Variants in PAM observed in about 807,000 individuals in gnomAD.
PAM encodes the protein peptidyl-glycine alpha-amidating monooxygenase.
A neutral mutation model predicts 122.1 loss-of-function variants in PAM; 72 were observed. The ratio of observed to expected loss-of-function variants is 0.59; its 90% CI spans 0.49 to 0.72. The LOEUF (loss-of-function observed/expected upper bound fraction) is 0.72. PAM is among the 30% of genes least tolerant of loss of function. The pLI, the probability that PAM is intolerant of heterozygous loss-of-function variation, is 0.00. For missense variants in PAM, 1,106 were observed against 1,183.7 expected (o/e 0.93, Z 0.96); for synonymous variants, 389 against 404.4 (o/e 0.96, Z 0.46).
Position 102,866,206 on chromosome 5 carries a change from G to A in PAM, c.11G>A (p.Arg4His), listed in dbSNP as rs1785505203. 1 of 1,611,986 alleles carries A rather than the reference G, an allele frequency of 6.2e-7. No homozygotes were observed. Among genetic ancestry groups the A allele is most frequent in the Non-Finnish European group, 8.5e-7 (1 of 1,178,756 alleles). Residue 4 changes from arginine (R) to histidine (H), a missense_variant, in exon 2 of 26, where the codon CGC becomes CAC. By Grantham distance (29) the Arg-to-His change is conservative (BLOSUM62 0). This residue lies in a region of PAM where 670 missense variants were observed against 690.3 expected (regional missense o/e 0.97). Coordinates refer to ENST00000438793, the MANE Select transcript of PAM (RefSeq NM_001177306.2). ...CGTATCGGCGTGGACATGGCTGGCC[G>A]CGTCCCTAGCCTGCTAGTTCTCCTT... is the stretch of plus-strand genomic sequence containing the variant. MAGRVPSLLVLLVF... is the reference protein window; with the variant it reads MAGHVPSLLVLLVF...
At chr5:102,999,589 C>T (rs1056235446) in intron 16 of PAM, among the ~76,000 whole-genome samples, 1 of 152,210 alleles carries the variant, frequency 6.6e-6, no homozygotes, top group Non-Finnish European at 1.5e-5. Context: ...AGGGTTCCTC[C>T]CCTGCAGAAA....
chr5:102,987,274 T>G (rs983160206), intron 15 of PAM, among the ~76,000 whole-genome samples: 11 of 152,132 alleles, frequency 7.2e-5, no homozygotes, highest in African/African-American at 2.7e-4. Flanking sequence ...GGTCATTATA[T>G]TAAGTGAAAT....
At chr5:103,012,872 AT>A (rs769114015) in intron 21 of PAM, among the ~76,000 whole-genome samples, 5 of 151,220 alleles carry the variant, frequency 3.3e-5, no homozygotes. Context: ...AAAAAAAAAA[AT>A]GAGTTCACTG....
intron 1 of PAM, among the ~76,000 whole-genome samples, chr5:102,800,794 A>G (rs952156960): frequency 6.6e-6 from 1 of 152,052 alleles, no homozygotes; most frequent in African/African-American, 2.4e-5. Flanking sequence ...ATACTCTATC[A>G]CCCTGGGCTT....
At chr5:102,879,507 G>A (rs2151104778) in intron 3 of PAM, among the ~76,000 whole-genome samples, 1 of 152,254 alleles carries the variant, frequency 6.6e-6, no homozygotes, top group South Asian at 2.1e-4. Flanking sequence ...CCCCCTTGTT[G>A]TTCCAGTGAC....
At chr5:102,837,516 A>G (rs985129015) in intron 1 of PAM, among the ~76,000 whole-genome samples, 2 of 152,214 alleles carry the variant, frequency 1.3e-5, no homozygotes, top group Non-Finnish European at 2.9e-5. Context: ...ACTTCAACCC[A>G]CAAATATTTC....
chr5:102,922,855 T>C (rs1179598920), intron 5 of PAM, among the ~76,000 whole-genome samples: 1 of 152,230 alleles, frequency 6.6e-6, no homozygotes, highest in African/African-American at 2.4e-5. Context: ...CAATATCATT[T>C]CTTTAACTAT....
At chr5:102,844,487 C>T (rs780411814) in intron 1 of PAM, among the ~76,000 whole-genome samples, 6 of 151,890 alleles carry the variant, frequency 4.0e-5, no homozygotes, top group African/African-American at 7.3e-5. Context: ...GGTAACATAG[C>T]GAGACCCCCA....
At chr5:102,997,375 G>A (rs1425995162) in intron 16 of PAM, among the ~76,000 whole-genome samples, 1 of 152,036 alleles carries the variant, frequency 6.6e-6, no homozygotes, top group Non-Finnish European at 1.5e-5. Flanking sequence ...AAATTATCTA[G>A]GCATGGTGGT....
rs1784610677 is a variant in PAM, at chr5:103,025,214, A to G, written c.2569A>G (p.Ile857Val). ...LQKMQEKQKL[I>V]KEPGSGVPVV... is the part of the protein sequence containing the mutation. ...GAAGATGCAAGAGAAACAGAAACTG[A>G]TCAAAGAGCCAGGCTCGGGAGTGCC... Residue 857 changes from isoleucine to valine, a missense_variant, in exon 24 of 26, where the codon ATC (isoleucine) becomes GTC (valine). Coordinates refer to ENST00000438793, the MANE Select transcript of PAM (RefSeq NM_001177306.2). 2 of 1,613,804 alleles carry G rather than the reference A, an allele frequency of 1.2e-6. No individual in the cohort carries two copies. The highest frequency in any genetic ancestry group is 1.7e-4 in the Middle Eastern group (1 of 6,060).
chr5:102,867,378 G>A lies in PAM; in HGVS notation c.195G>A (p.Gly65=). 1 of 1,608,684 alleles carries A rather than the reference G, an allele frequency of 6.2e-7. No individual in the cohort carries two copies. The highest frequency in any genetic ancestry group is 8.5e-7 in the Non-Finnish European group (1 of 1,175,578). The change falls in exon 3 of 26, where the codon GGG becomes GGA. Residue 65 remains glycine, a synonymous_variant. Coordinates refer to ENST00000438793, the MANE Select transcript of PAM (RefSeq NM_001177306.2). ...TTGCATTGGATATTCGCATGCCTGG[G>A]GTTACACCTAAACAGGTGAGAGGAA... is the stretch of plus-strand genomic sequence containing the variant. ...SDFALDIRMP[G]VTPKQSDTYF... is the part of the protein sequence containing the mutation.
chr5:102,866,948 G>T (rs1338625554), intron 2 of PAM, among the ~76,000 whole-genome samples: 1 of 152,028 alleles, frequency 6.6e-6, no homozygotes, highest in African/African-American at 2.4e-5. Flanking sequence ...ACTTGAAACA[G>T]ATATATGTTT....
chr5:102,804,856 C>G (rs1765780081), intron 1 of PAM, among the ~76,000 whole-genome samples: 1 of 152,112 alleles, frequency 6.6e-6, no homozygotes, highest in South Asian at 2.1e-4. Flanking sequence ...GGACTTTAAC[C>G]CTCATTTGCT....
At chr5:102,834,510 T>C (rs927144573) in intron 1 of PAM, among the ~76,000 whole-genome samples, 10 of 152,098 alleles carry the variant, frequency 6.6e-5, no homozygotes, top group Non-Finnish European at 1.3e-4. Context: ...CTCAATACTT[T>C]AGAGCAATAG....
In PAM at chr5:102,949,627, T is replaced by G; in HGVS notation, c.724+10T>G. 7.2e-6 allele frequency: 9 copies of G among 1,242,338 alleles called. No homozygotes were observed. The highest frequency in any genetic ancestry group is 1.1e-5 in the Non-Finnish European group (9 of 844,368). 77.0% of individuals were successfully genotyped at this position (1,242,338 alleles called of 1,614,324 possible). ...CACACTCACCATTTAGGTAAGAACT[T>G]TACATGTTAAATTATAAATATTTAC... On this transcript the variant is annotated intron_variant, in intron 10 of 25. Coordinates refer to ENST00000438793, the MANE Select transcript of PAM (RefSeq NM_001177306.2).
chr5:102,948,499 A>G lies in PAM; in HGVS notation c.643+54A>G. 4.7e-6 allele frequency: 4 copies of G among 852,386 alleles called. No homozygotes were observed. The East Asian group carries it at 7.3e-5, about 16-fold the overall frequency. The allele number at this position is 852,386 out of a possible 1,614,324, so 52.8% of individuals were successfully genotyped here. The stretch of plus-strand genomic sequence containing the variant: ...TTACCTCATTACCTAATCTGTAGAA[A>G]TGGATTTATACTGTATTTTTTATAA... On this transcript the variant is annotated intron_variant, in intron 9 of 25. Transcript: ENST00000438793.
Position 102,766,503 on chromosome 5 carries a change from G to A in PAM, c.-374+11155G>A, listed in dbSNP as rs561278472. On this transcript the variant is annotated intron_variant, in intron 1 of 25. Coordinates refer to ENST00000438793, the MANE Select transcript of PAM (RefSeq NM_001177306.2). ...GTGGAGCTCAGGTGATAATGTGAGC[G>A]ATGGGGAGTGGCTGTAAATACAGAT... Among the ~76,000 whole-genome samples, 390 of 152,282 alleles carry A rather than the reference G, an allele frequency of 2.6e-3. 3 individuals carry two copies. The highest frequency in any genetic ancestry group is 8.7e-3 in the African/African-American group (360 of 41,564).
chr5:102,907,058 TTGTTTTA>T (rs1455809709), intron 4 of PAM, among the ~76,000 whole-genome samples: 3 of 151,180 alleles, frequency 2.0e-5, no homozygotes, highest in African/African-American at 7.3e-5. Flanking sequence ...GAGGTGAGGA[TTGTTTTA>T]TTTGAAATTG....
chr5:102,809,448 G>A (rs1444702727), intron 1 of PAM, among the ~76,000 whole-genome samples: 2 of 151,938 alleles, frequency 1.3e-5, no homozygotes, highest in Non-Finnish European at 2.9e-5. Context: ...TTAATAGATA[G>A]CTTTGCAGAG....
Sources: gnomAD v4.1 joint callset for allele counts (sites outside exome capture counted in the v4.1 genomes callset) on GRCh38, gnomAD v4.1.1 for gene constraint, gnomAD v4.1.1 regional missense constraint, MANE v1.5 for transcripts, NCBI Gene and HGNC (gene_info 2026-07-23, HGNC 2026-07-21) for gene names.